GNPTAB: variants seen among roughly 807,000 people sequenced by gnomAD.
The protein encoded by GNPTAB is N-acetylglucosamine-1-phosphate transferase subunits alpha and beta, also known as N-acetylglucosamine-1-phosphotransferase subunits alpha/beta.
Under a neutral mutation model 136.6 loss-of-function variants are expected in GNPTAB, and 92 were observed. The ratio of observed to expected loss-of-function variants is 0.67; its 90% CI spans 0.57 to 0.80. The LOEUF is 0.80. GNPTAB is among the 30% of genes least tolerant of loss of function. GNPTAB has a pLI of 0.00. For synonymous variants in GNPTAB, 512 were observed against 535.1 expected (o/e 0.96, Z 0.60); for missense variants, 1,343 against 1,501.8 (o/e 0.89, Z 1.75).
intron 1 of GNPTAB, among the ~76,000 whole-genome samples, chr12:101,814,601 C>T (rs1594257414): frequency 6.6e-6 from 1 of 150,622 alleles, no homozygotes; most frequent in Admixed American, 6.6e-5. Context: ...TGAGGCTGAG[C>T]CAGGAGAATT....
At chr12:101,824,430 A>ATTTTT (rs1186690337) in intron 1 of GNPTAB, among the ~76,000 whole-genome samples, 7 of 78,822 alleles carry the variant, frequency 8.9e-5, no homozygotes, top group Non-Finnish European at 1.7e-4. Context: ...ATATATATAT[A>ATTTTT]TATTTTCTTT....
intron 1 of GNPTAB, among the ~76,000 whole-genome samples, chr12:101,817,583 G>C (rs1335473149): frequency 6.6e-6 from 1 of 151,892 alleles, no homozygotes; most frequent in African/African-American, 2.4e-5. Flanking sequence ...ATTACAGATT[G>C]TATGCATGTA....
chr12:101,800,214 G>C (rs1869533856), intron 1 of GNPTAB, among the ~76,000 whole-genome samples: 1 of 152,100 alleles, frequency 6.6e-6, no homozygotes, highest in Non-Finnish European at 1.5e-5. Context: ...GCCAGGTGTG[G>C]TGGCTCACAC....
intron 14 of GNPTAB, 24 bp from the exon 15 acceptor site, chr12:101,761,370 A>G: frequency 6.3e-7 from 1 of 1,596,794 alleles, no homozygotes; most frequent in Non-Finnish European, 8.6e-7. Context: ...ACATATTACA[A>G]ACTCTGGATA....
chr12:101,762,046 CACTG>C (rs1483358529), intron 13 of GNPTAB, among the ~76,000 whole-genome samples: 2 of 152,184 alleles, frequency 1.3e-5, no homozygotes, highest in African/African-American at 4.8e-5. Context: ...AAGGACTGGT[CACTG>C]ACTGTGAGAT....
intron 7 of GNPTAB, among the ~76,000 whole-genome samples, chr12:101,772,839 C>T (rs750321329): frequency 1.7e-4 from 26 of 152,234 alleles, no homozygotes; most frequent in African/African-American, 2.6e-4. Flanking sequence ...TTTTTTGAGA[C>T]GGAGTCTGAC....
At chr12:101,752,338 T>C (rs145302879) in intron 19 of GNPTAB, among the ~76,000 whole-genome samples, 37 of 152,296 alleles carry the variant, frequency 2.4e-4, no homozygotes, top group African/African-American at 8.4e-4. Context: ...GGCATGAGAA[T>C]CGCTTGAACC....
chr12:101,830,795 C>T lies in GNPTAB; in HGVS notation c.-120G>A, dbSNP rs1429557647. 9.0e-6 allele frequency: 4 copies of T among 446,082 alleles called. No homozygotes were observed. The highest frequency in any genetic ancestry group is 9.4e-5 in the East Asian group (2 of 21,320). 27.6% of individuals were successfully genotyped at this position (446,082 alleles called of 1,614,324 possible). On this transcript the variant is annotated 5_prime_UTR_variant, in exon 1 of 21. Transcript: ENST00000299314. ...GCCGCCGCGCGCAGGTCACAGCCTC[C>T]GGGCGCCGCTCATTGCAGCTCCGGC...
intron 1 of GNPTAB, among the ~76,000 whole-genome samples, chr12:101,820,121 G>A (rs1281523011): frequency 6.6e-6 from 1 of 152,176 alleles, no homozygotes; most frequent in African/African-American, 2.4e-5. Context: ...CAGCCTCTAC[G>A]CAAGATGTCT....
At chr12:101,774,608 A>AT (rs1953233119) in intron 7 of GNPTAB, among the ~76,000 whole-genome samples, 1 of 152,246 alleles carries the variant, frequency 6.6e-6, no homozygotes, top group Non-Finnish European at 1.5e-5. Flanking sequence ...AGATATAAGA[A>AT]TTGAAAAAGC....
chr12:101,771,612 A>G (rs978255427), intron 7 of GNPTAB, among the ~76,000 whole-genome samples: 4 of 152,210 alleles, frequency 2.6e-5, no homozygotes, highest in South Asian at 2.1e-4. Flanking sequence ...GACCAGATGC[A>G]TTTCCCAAAT....
intron 1 of GNPTAB, among the ~76,000 whole-genome samples, chr12:101,824,433 T>TATATATATATATATATATATATA (rs1423746036): frequency 2.4e-4 from 22 of 90,670 alleles, no homozygotes; most frequent in Admixed American, 4.7e-4. Context: ...TATATATATA[T>TATATATATATATATATATATATA]TTTCTTTTTT....
intron 1 of GNPTAB, among the ~76,000 whole-genome samples, chr12:101,809,097 A>G (rs1335498036): frequency 2.6e-5 from 4 of 152,226 alleles, no homozygotes; most frequent in Non-Finnish European, 5.9e-5. Context: ...CAATAAGGAA[A>G]CAAACAACCC....
intron 1 of GNPTAB, among the ~76,000 whole-genome samples, chr12:101,817,083 T>C (rs1870545388): frequency 6.6e-6 from 1 of 151,986 alleles, no homozygotes; most frequent in Non-Finnish European, 1.5e-5. Context: ...GATTGGCTAA[T>C]AGGTACAAAA....
At chr12:101,795,320 A>C (rs1321491733) in intron 2 of GNPTAB, among the ~76,000 whole-genome samples, 2 of 152,216 alleles carry the variant, frequency 1.3e-5, no homozygotes, top group South Asian at 2.1e-4. Flanking sequence ...AATGGTCCTC[A>C]AACTTTTACT....
chr12:101,798,821 G>A (rs914548324), intron 1 of GNPTAB, among the ~76,000 whole-genome samples: 2 of 152,134 alleles, frequency 1.3e-5, no homozygotes, highest in Non-Finnish European at 2.9e-5. Context: ...GATCTCTCAT[G>A]TTTCTTACGT....
In GNPTAB at chr12:101,805,052, T is replaced by C. The variant is rs542460932; in HGVS notation, c.118-8290A>G. The stretch of plus-strand genomic sequence containing the variant: ...CAGACTACTGGGGAGACAAATATGA[T>C]GCAAATAATTAAAATATATCATGTG... On this transcript the variant is annotated intron_variant, in intron 1 of 20. Transcript: ENST00000299314. 4.0e-5 allele frequency among the ~76,000 whole-genome samples: 6 copies of C among 151,648 alleles called. No individual in the cohort carries two copies. The South Asian group carries it at 6.3e-4, about 16-fold the overall frequency.
chr12:101,769,194 C>CA (rs1463385537), intron 10 of GNPTAB, among the ~76,000 whole-genome samples: 1 of 152,190 alleles, frequency 6.6e-6, no homozygotes, highest in Non-Finnish European at 1.5e-5. Context: ...GTACTTTCCT[C>CA]ACTATGCCAG....
chr12:101,827,701 G>GCCTGGCT (rs1871161783), intron 1 of GNPTAB, among the ~76,000 whole-genome samples: 1 of 152,118 alleles, frequency 6.6e-6, no homozygotes, highest in South Asian at 2.1e-4. Flanking sequence ...ACAGTGGCTC[G>GCCTGGCT]CACCTATAAT....
Sources: gnomAD v4.1 joint callset for allele counts (sites outside exome capture counted in the v4.1 genomes callset) on GRCh38, gnomAD v4.1.1 for gene constraint, MANE v1.5 for transcripts, NCBI Gene and HGNC (gene_info 2026-07-23, HGNC 2026-07-21) for gene names.